The following COL17A1 variants were observed in gnomAD, a reference collection of about 807,000 sequenced individuals.
The protein encoded by COL17A1 is collagen alpha-1(XVII) chain.
A neutral mutation model predicts 218.4 loss-of-function variants in COL17A1; 181 were observed. The observed-to-expected ratio is 0.83, with a 90% confidence interval of 0.73 to 0.94. The LOEUF (loss-of-function observed/expected upper bound fraction) is 0.94. COL17A1 is among the 40% of genes least tolerant of loss of function. The pLI, the probability that COL17A1 is intolerant of heterozygous loss-of-function variation, is 0.00. For missense variants in COL17A1, 1,924 were observed against 1,945.9 expected (o/e 0.99, Z 0.21); for synonymous variants, 721 against 731.0 (o/e 0.99, Z 0.22).
At chr10:104,042,374 T>C (rs1471265504) in intron 36 of COL17A1, 46 bp downstream of exon 36, 2 of 1,609,328 alleles carry the variant, frequency 1.2e-6, no homozygotes, top group Non-Finnish European at 1.7e-6. Context: ...AGGAAAGTCC[T>C]CCCGACTGGG....
At chr10:104,069,031 A>G (rs936699226) in intron 9 of COL17A1, among the ~76,000 whole-genome samples, 3 of 152,246 alleles carry the variant, frequency 2.0e-5, no homozygotes, top group Non-Finnish European at 2.9e-5. Flanking sequence ...CTAAAAAATT[A>G]TGGGTGTATA....
chr10:104,059,849 T>G (rs1277819918), intron 14 of COL17A1, 131 bp from the exon 15 acceptor site: 1 of 1,064,876 alleles, frequency 9.4e-7, no homozygotes, highest in Non-Finnish European at 1.4e-6. Context: ...AGAGCCCCTC[T>G]TTCCTGGGGT....
In COL17A1 at chr10:104,073,197, T is replaced by C; in HGVS notation, c.415+13A>G. 1 of 1,613,158 alleles carries C rather than the reference T, an allele frequency of 6.2e-7. No individual in the cohort carries two copies. Among genetic ancestry groups the C allele is most frequent in the East Asian group, 2.2e-5 (1 of 44,852 alleles). On this transcript the variant is annotated intron_variant, in intron 7 of 55. Transcript: ENST00000648076. ...GTTGAATGAATTGGACTGAACCCAG[T>C]GACAGCACTCACCTCGTGTTTGACT...
rs750262051 is a variant in COL17A1 at position 104,035,563 on chromosome 10, C to T, written c.3419G>A (p.Ser1140Asn). Residue 1140 changes from serine (S) to asparagine (N), a missense_variant and splice_region_variant, in exon 49 of 56, where the codon AGT (serine) becomes AAT (asparagine). Coordinates refer to ENST00000648076, the MANE Select transcript of COL17A1 (RefSeq NM_000494.4). Reference sequence around the variant, plus strand: ...AGGAAGCCCAATGCTGATCCCAGAACCTAGGGAGGTGATGGATTCAGATCA... The same window carrying T: ...AGGAAGCCCAATGCTGATCCCAGAATCTAGGGAGGTGATGGATTCAGATCA... ...LSSRILSYMS[S>N]SGISIGLPGP... The T allele has an allele frequency of 1.5e-5, 24 of 1,612,598 alleles. No homozygotes were observed. The highest frequency in any genetic ancestry group is 2.0e-5 in the Non-Finnish European group (23 of 1,179,348).
rs563210074 is a variant in COL17A1 at position 104,049,573 on chromosome 10, T to C, written c.2165-102A>G. Reference sequence around the variant, plus strand: ...TCCAAGAGGTCAAGGAAGCAGCTTCTGCTTTGATTCCAAGGTCAGGGCCAC... The same window carrying C: ...TCCAAGAGGTCAAGGAAGCAGCTTCCGCTTTGATTCCAAGGTCAGGGCCAC... On this transcript the variant is annotated intron_variant, in intron 28 of 55. Coordinates refer to ENST00000648076, the MANE Select transcript of COL17A1 (RefSeq NM_000494.4). The C allele has an allele frequency of 1.5e-5, 19 of 1,298,548 alleles. No homozygotes were observed. The East Asian group carries it at 4.5e-4, about 31-fold the overall frequency. 80.4% of individuals were successfully genotyped at this position (1,298,548 alleles called of 1,614,324 possible).
chr10:104,035,426 C>G lies in COL17A1; in HGVS notation c.3508+48G>C, dbSNP rs753546967. 5.6e-6 allele frequency: 9 copies of G among 1,613,424 alleles called. No individual in the cohort carries two copies. The South Asian group carries it at 9.9e-5, about 18-fold the overall frequency. ...CAGTCCTGGCCTGGGCCAAGGGACT[C>G]TGCTTCCTCCCCAACCAGTTGGACA... is the stretch of plus-strand genomic sequence containing the variant. On this transcript the variant is annotated intron_variant, in intron 49 of 55. Transcript: ENST00000648076.
chr10:104,061,612 G>C, intron 12 of COL17A1, 139 bp from the exon 13 acceptor site: 6 of 723,236 alleles, frequency 8.3e-6, no homozygotes, highest in Non-Finnish European at 1.5e-5. Flanking sequence ...CCAGCCATGG[G>C]GACAGTAATG....
At chr10:104,050,574 G>A (rs1391576942) in intron 27 of COL17A1, 47 bp downstream of exon 27, 4 of 1,612,292 alleles carry the variant, frequency 2.5e-6, no homozygotes. Flanking sequence ...GGGCTCCCAG[G>A]AGTGAGGCAG....
chr10:104,050,337 GC>G (rs2086456499), intron 27 of COL17A1, among the ~76,000 whole-genome samples: 1 of 152,080 alleles, frequency 6.6e-6, no homozygotes, highest in African/African-American at 2.4e-5. Flanking sequence ...TGACTCCCCA[GC>G]CCCTGCTGTT....
chr10:104,066,894 A>G (rs1358158831), intron 9 of COL17A1, among the ~76,000 whole-genome samples: 2 of 152,226 alleles, frequency 1.3e-5, no homozygotes, highest in East Asian at 3.8e-4. Flanking sequence ...TGGATATGTA[A>G]GTGTGCCTCT....
chr10:104,043,970 C>T, intron 33 of COL17A1, 110 bp from the exon 34 acceptor site: 1 of 1,169,840 alleles, frequency 8.5e-7, no homozygotes, highest in Non-Finnish European at 1.3e-6. Context: ...CTGGGCCTCT[C>T]ACCATCAGGC....
At chr10:104,070,106 G>A (rs1210253388) in intron 9 of COL17A1, among the ~76,000 whole-genome samples, 2 of 152,050 alleles carry the variant, frequency 1.3e-5, no homozygotes, top group African/African-American at 4.8e-5. Context: ...TACTAGGGGT[G>A]GAAAGTAGGG....
In COL17A1 at chr10:104,036,049, AGT is replaced by A. The variant is rs796509609; in HGVS notation, c.3418+441_3418+442del. Among the ~76,000 whole-genome samples, 226 of 31,664 alleles carry A rather than the reference AGT, an allele frequency of 7.1e-3. 3 individuals are homozygous for A. The highest frequency in any genetic ancestry group is 0.024 in the African/African-American group (206 of 8,632). The allele number at this position is 31,664 out of a possible 152,430, so 20.8% of individuals were successfully genotyped here. A position where few individuals can be genotyped will look rare whatever the true frequency, so the allele number is the denominator to read the frequency against. On this transcript the variant is annotated intron_variant, in intron 48 of 55. Coordinates refer to ENST00000648076, the MANE Select transcript of COL17A1 (RefSeq NM_000494.4). ...CTGAGTATGGAAGTGTGTGTATAGG[AGT>A]GTGTGTATGGGAGTATGTGTATGGG...
At chr10:104,083,063 T>C (rs564537066) in intron 1 of COL17A1, among the ~76,000 whole-genome samples, 12 of 152,304 alleles carry the variant, frequency 7.9e-5, no homozygotes, top group Admixed American at 5.2e-4. Context: ...CAGGTACGTG[T>C]TGGGAGACTG....
At chr10:104,055,082 A>G in intron 19 of COL17A1, 75 bp from the exon 20 acceptor site, 1 of 1,603,638 alleles carries the variant, frequency 6.2e-7, no homozygotes, top group Non-Finnish European at 8.5e-7. Context: ...GTATTTTAAA[A>G]CCATTTGACA....
chr10:104,037,031 C>T lies in COL17A1; in HGVS notation c.3277+14G>A. ...AAGATAGTCCCACCCTCGATCCCCC[C>T]ACAGGTGACTCACGCTGCAGCACAG... On this transcript the variant is annotated intron_variant, in intron 47 of 55. Coordinates refer to ENST00000648076, the MANE Select transcript of COL17A1 (RefSeq NM_000494.4). The T allele has an allele frequency of 6.3e-7, 1 of 1,599,576 alleles. No homozygotes were observed. The highest frequency in any genetic ancestry group is 8.5e-7 in the Non-Finnish European group (1 of 1,173,732).
chr10:104,044,843 A>G (rs1031459328), intron 33 of COL17A1, among the ~76,000 whole-genome samples: 1 of 152,214 alleles, frequency 6.6e-6, no homozygotes, highest in African/African-American at 2.4e-5. Flanking sequence ...GGTACCATCC[A>G]TTCGTGAACA....
rs368924643 is a variant in COL17A1, at chr10:104,070,867, T to C, written c.464-298A>G. 1.6e-4 allele frequency among the ~76,000 whole-genome samples: 24 copies of C among 152,312 alleles called. No homozygotes were observed. In the South Asian group the frequency reaches 5.0e-3, roughly 32 times the overall value. ...AACATCACAGGAATGATTCTGTGGC[T>C]GGAAGACACTATTATCTAGGATCAG... On this transcript the variant is annotated intron_variant, in intron 8 of 55. Coordinates refer to ENST00000648076, the MANE Select transcript of COL17A1 (RefSeq NM_000494.4).
intron 48 of COL17A1, among the ~76,000 whole-genome samples, chr10:104,035,791 TGTATGA>T (rs1284628683): frequency 4.0e-5 from 6 of 151,732 alleles, no homozygotes; most frequent in South Asian, 2.1e-4. Flanking sequence ...TGTGTGTGTG[TGTATGA>T]GTATGTGTGT....
Sources: gnomAD v4.1 joint callset for allele counts (sites outside exome capture counted in the v4.1 genomes callset) on GRCh38, gnomAD v4.1.1 for gene constraint, MANE v1.5 for transcripts, NCBI Gene and HGNC (gene_info 2026-07-23, HGNC 2026-07-21) for gene names.